The following DNAH3 variants were observed in gnomAD, a reference collection of about 807,000 sequenced individuals.
The protein encoded by DNAH3 is axonemal beta dynein heavy chain 3.
In DNAH3, 332 loss-of-function variants were observed where a neutral mutation model predicts 432.5. The ratio of observed to expected loss-of-function variants is 0.77; its 90% CI spans 0.70 to 0.84. The LOEUF (loss-of-function observed/expected upper bound fraction) is 0.84, where lower values mean the gene tolerates loss of function less well. Among genes scored for constraint, DNAH3 ranks in the 40% least tolerant of loss-of-function variants. DNAH3 has a pLI of 0.00. For synonymous variants in DNAH3, 1,956 were observed against 1,900.2 expected (o/e 1.03, Z -0.76); for missense variants, 4,861 against 5,114.0 (o/e 0.95, Z 1.51).
At chr16:21,134,511 C>G (rs993120627) in intron 6 of DNAH3, 57 bp from the exon 8 acceptor site, 16 of 1,486,528 alleles carry the variant, frequency 1.1e-5, no homozygotes, top group Non-Finnish European at 1.5e-5. Context: ...GTGCTCTTAG[C>G]TTCAACTCAT....
chr16:21,044,404 G>A (rs1597226343), intron 31 of DNAH3, among the ~76,000 whole-genome samples: 2 of 146,148 alleles, frequency 1.4e-5, no homozygotes, highest in African/African-American at 2.5e-5. Context: ...TTGTAAGTTG[G>A]ATTCCTAGGT....
intron 49 of DNAH3, among the ~76,000 whole-genome samples, chr16:20,980,307 A>AATATACATCATATATTATT (rs2085830559): frequency 7.1e-6 from 1 of 140,670 alleles, no homozygotes; most frequent in Non-Finnish European, 1.5e-5. Context: ...CATATATTAT[A>AATATACATCATATATTATT]TTATATATTA....
At chr16:21,155,805 T>C (rs1159444529) in intron 1 of DNAH3, among the ~76,000 whole-genome samples, 1 of 152,114 alleles carries the variant, frequency 6.6e-6, no homozygotes, top group Non-Finnish European at 1.5e-5. Flanking sequence ...AGGTTCCAAG[T>C]TGCCCCTGCC....
chr16:20,977,230 A>G (rs968415423), intron 50 of DNAH3, among the ~76,000 whole-genome samples: 2 of 152,088 alleles, frequency 1.3e-5, no homozygotes, highest in Non-Finnish European at 2.9e-5. Context: ...CGCAAAAATT[A>G]GCCAGGCGCT....
At chr16:20,966,320 T>A (rs1255025097) in intron 52 of DNAH3, among the ~76,000 whole-genome samples, 1 of 151,840 alleles carries the variant, frequency 6.6e-6, no homozygotes, top group Non-Finnish European at 1.5e-5. Context: ...ATTACAGGTA[T>A]GGGCCACCAC....
exon 27 of DNAH3, chr16:21,058,130 A>G: frequency 1.2e-6 from 2 of 1,613,888 alleles, no homozygotes; most frequent in East Asian, 4.5e-5. Context: ...TCCTGGGTCC[A>G]AAAGATGGAG....
At chr16:21,133,117 C>T (rs145466783) in intron 7 of DNAH3, among the ~76,000 whole-genome samples, 133 of 151,838 alleles carry the variant, frequency 8.8e-4, no homozygotes, top group African/African-American at 3.1e-3. Flanking sequence ...TTTGGGGTGC[C>T]GATGTGGGTG....
intron 37 of DNAH3, among the ~76,000 whole-genome samples, chr16:21,027,331 TCTTCTGGGAGATGACAG>T (rs1186716430): frequency 6.6e-6 from 1 of 152,224 alleles, no homozygotes; most frequent in African/African-American, 2.4e-5. Flanking sequence ...GGGTTTACAT[TCTTCTGGGAGATGACAG>T]ACAATAAGCA....
intron 14 of DNAH3, among the ~76,000 whole-genome samples, chr16:21,108,571 C>T (rs575538752): frequency 6.6e-6 from 1 of 152,082 alleles, no homozygotes; most frequent in South Asian, 2.1e-4. Context: ...GGCAAAACTC[C>T]ATCACTACAA....
At chr16:21,054,488 A>G in exon 28 of DNAH3, 1 of 1,614,202 alleles carries the variant, frequency 6.2e-7, no homozygotes, top group East Asian at 2.2e-5. Flanking sequence ...CCCTCGCACC[A>G]GCTGGACAAT....
intron 18 of DNAH3, among the ~76,000 whole-genome samples, chr16:21,091,006 A>T (rs1466955742): frequency 1.3e-5 from 2 of 152,042 alleles, no homozygotes; most frequent in African/African-American, 4.8e-5. Context: ...ACAAAAAATT[A>T]GCTGGGTGTG....
chr16:21,061,421 G>A (rs1188809109), intron 25 of DNAH3, among the ~76,000 whole-genome samples: 3 of 149,136 alleles, frequency 2.0e-5, no homozygotes, highest in Admixed American at 6.7e-5. Context: ...ACAGGGTTTC[G>A]CCATGTTGGC....
At chr16:21,076,374 A>C (rs1278351000) in intron 20 of DNAH3, among the ~76,000 whole-genome samples, 1 of 152,170 alleles carries the variant, frequency 6.6e-6, no homozygotes, top group Non-Finnish European at 1.5e-5. Flanking sequence ...TTGGCCTTGG[A>C]CTTTAAGCCT....
At chr16:21,065,970 G>A (rs1328247473) in intron 24 of DNAH3, among the ~76,000 whole-genome samples, 1 of 151,902 alleles carries the variant, frequency 6.6e-6, no homozygotes, top group Non-Finnish European at 1.5e-5. Context: ...GGGATTACAG[G>A]TGCCCCCCAC....
chr16:20,988,117 ACT>A, intron 44 of DNAH3, 52 bp from the exon 45 acceptor site: 1 of 1,605,052 alleles, frequency 6.2e-7, no homozygotes, highest in Non-Finnish European at 8.5e-7. Context: ...ATATTCTCAC[ACT>A]GTCTGTGACC....
At chr16:21,000,110 G>T in intron 43 of DNAH3, 114 bp downstream of exon 43, 1 of 1,084,164 alleles carries the variant, frequency 9.2e-7, no homozygotes, top group Non-Finnish European at 1.3e-6. Flanking sequence ...GGAAATATTT[G>T]ATCTCCCAGG....
intron 1 of DNAH3, 118 bp from the exon 3 acceptor site, chr16:21,146,206 A>G: frequency 1.6e-6 from 1 of 624,988 alleles, no homozygotes; most frequent in South Asian, 1.9e-5. Flanking sequence ...TTCTGGACCT[A>G]AAACAAAACA....
intron 41 of DNAH3, among the ~76,000 whole-genome samples, chr16:21,013,106 A>G (rs2087686809): frequency 6.6e-6 from 1 of 152,196 alleles, no homozygotes; most frequent in Admixed American, 6.5e-5. Context: ...CATTCATCTT[A>G]GGAAACTAAA....
chr16:21,075,330 C>T (rs2090934588), intron 21 of DNAH3, 117 bp downstream of exon 21: 1 of 763,744 alleles, frequency 1.3e-6, no homozygotes, highest in African/African-American at 1.7e-5. Flanking sequence ...ACAATCAAGA[C>T]ATGAGCGATT....
Sources: allele counts gnomAD v4.1 joint callset (sites outside exome capture counted in the v4.1 genomes callset), GRCh38; gene constraint gnomAD v4.1.1; transcripts MANE v1.5; gene names NCBI Gene and HGNC (gene_info 2026-07-23, HGNC 2026-07-21).